UVRAG: variants seen among roughly 807,000 people sequenced by gnomAD.
The protein encoded by UVRAG is UV radiation resistance associated, also known as UV radiation resistance-associated gene protein.
A neutral mutation model predicts 78.0 loss-of-function variants in UVRAG; 19 were observed. The observed-to-expected ratio is 0.24, with a 90% confidence interval of 0.17 to 0.36. UVRAG has a LOEUF of 0.36. UVRAG is among the 10% of genes least tolerant of loss of function. The probability of loss-of-function intolerance (pLI) is 1.00; values close to 1 mark genes in which losing one functional copy is unlikely to be tolerated. For missense variants in UVRAG, 740 were observed against 853.8 expected (o/e 0.87, Z 1.66); for synonymous variants, 323 against 324.6 (o/e 1.00, Z 0.05).
chr11:75,982,880 T>A (rs901188487), intron 7 of UVRAG, among the ~76,000 whole-genome samples: 1 of 152,258 alleles, frequency 6.6e-6, no homozygotes, highest in Non-Finnish European at 1.5e-5. Context: ...ATTGTATGGA[T>A]AGGCCACATT....
intron 13 of UVRAG, among the ~76,000 whole-genome samples, chr11:76,084,315 A>G (rs1349396227): frequency 1.3e-5 from 2 of 152,172 alleles, no homozygotes; most frequent in Non-Finnish European, 2.9e-5. Context: ...TTTCTTATTT[A>G]TTTCTATAAA....
chr11:75,885,421 A>G (rs1259831965), intron 4 of UVRAG, among the ~76,000 whole-genome samples: 2 of 152,142 alleles, frequency 1.3e-5, no homozygotes, highest in African/African-American at 4.8e-5. Context: ...CTTTTTGAAG[A>G]TCATGTGAAC....
chr11:76,107,994 A>G (rs1425203953), intron 13 of UVRAG, among the ~76,000 whole-genome samples: 1 of 152,198 alleles, frequency 6.6e-6, no homozygotes, highest in Non-Finnish European at 1.5e-5. Context: ...TTTGTAGTCA[A>G]ATTCATTGTA....
Position 75,870,821 on chromosome 11 carries a change from A to G in UVRAG, c.270+9041A>G, listed in dbSNP as rs1034585862. Among the ~76,000 whole-genome samples, 3 of 152,214 alleles carry G rather than the reference A, an allele frequency of 2.0e-5. No individual in the cohort carries two copies. The East Asian group carries it at 5.8e-4, about 29-fold the overall frequency. ...CAAATAATAGCCTTATGACTTTTCAAAAGGAACTGATCAATGAAACACGAT... is the reference window on the plus strand; with the variant it reads ...CAAATAATAGCCTTATGACTTTTCAGAAGGAACTGATCAATGAAACACGAT... On this transcript the variant is annotated intron_variant, in intron 3 of 14. Transcript: ENST00000356136.
chr11:76,101,161 T>TTTAGCTC (rs1951874095), intron 13 of UVRAG, among the ~76,000 whole-genome samples: 1 of 152,166 alleles, frequency 6.6e-6, no homozygotes, highest in Non-Finnish European at 1.5e-5. Context: ...TACTTTTGTT[T>TTTAGCTC]TTAGCTCTTT....
At chr11:75,979,021 T>C (rs1949323648) in intron 7 of UVRAG, among the ~76,000 whole-genome samples, 1 of 152,220 alleles carries the variant, frequency 6.6e-6, no homozygotes. Flanking sequence ...CTACCTTTGG[T>C]CTTCGATGAT....
intron 1 of UVRAG, among the ~76,000 whole-genome samples, chr11:75,816,924 C>T (rs1426997617): frequency 6.6e-6 from 1 of 152,132 alleles, no homozygotes; most frequent in Non-Finnish European, 1.5e-5. Flanking sequence ...TTTGAATAGG[C>T]AGGCAGAAGA....
intron 6 of UVRAG, among the ~76,000 whole-genome samples, chr11:75,946,621 C>T (rs908001362): frequency 7.2e-5 from 11 of 152,154 alleles, no homozygotes; most frequent in African/African-American, 2.7e-4. Flanking sequence ...TTTAAGCTCC[C>T]ATGGTTTTTG....
At chr11:75,877,569 C>T in intron 3 of UVRAG, among the ~76,000 whole-genome samples, 1 of 146,084 alleles carries the variant, frequency 6.8e-6, no homozygotes, top group South Asian at 2.2e-4. Context: ...CTGACCCCCC[C>T]CACCTCCCTC....
intron 6 of UVRAG, among the ~76,000 whole-genome samples, chr11:75,927,405 G>T (rs1047196196): frequency 3.3e-5 from 5 of 152,038 alleles, no homozygotes; most frequent in African/African-American, 1.2e-4. Flanking sequence ...TATATAGGTT[G>T]TTGTTATTCC....
chr11:75,850,176 G>GGT lies in UVRAG; in HGVS notation c.118-1704_118-1703dup, dbSNP rs1173775753. Among the ~76,000 whole-genome samples the GGT allele has an allele frequency of 3.9e-5, 6 of 152,322 alleles. No homozygotes were observed. The South Asian group carries it at 1.2e-3, about 32-fold the overall frequency. On this transcript the variant is annotated intron_variant, in intron 1 of 14. Transcript: ENST00000356136. Reference sequence around the variant, plus strand: ...CAGCCAGAATGGGGAGTTTGCAAAGGGTGTAGCCTTTGGTCCTTTTGTTAT... The same window carrying GGT: ...CAGCCAGAATGGGGAGTTTGCAAAGGGTGTGTAGCCTTTGGTCCTTTTGTTAT...
At chr11:75,950,963 T>C (rs1056160711) in intron 6 of UVRAG, among the ~76,000 whole-genome samples, 88 of 140,054 alleles carry the variant, frequency 6.3e-4, no homozygotes, top group African/African-American at 2.3e-3. Context: ...TTGTCAGGTG[T>C]ACACACACAC....
intron 4 of UVRAG, among the ~76,000 whole-genome samples, chr11:75,883,867 C>T (rs144046715): frequency 3.6e-4 from 55 of 152,038 alleles, no homozygotes; most frequent in South Asian, 2.5e-3. Flanking sequence ...TTTGAAAAAC[C>T]GATAGAGTTG....
intron 1 of UVRAG, among the ~76,000 whole-genome samples, chr11:75,815,952 C>A (rs759857499): frequency 2.8e-4 from 43 of 152,372 alleles, no homozygotes; most frequent in Non-Finnish European, 5.1e-4. Context: ...GCCATCCCCG[C>A]TTACGGAGAA....
chr11:75,877,619 C>T (rs1161902934), intron 3 of UVRAG, among the ~76,000 whole-genome samples: 12 of 140,470 alleles, frequency 8.5e-5, no homozygotes, highest in Admixed American at 8.3e-4. Context: ...CTGACCCCCC[C>T]ACCTCCCTCC....
intron 2 of UVRAG, 136 bp from the exon 3 acceptor site, chr11:75,861,610 A>G (rs1946423930): frequency 1.7e-6 from 1 of 585,568 alleles, no homozygotes; most frequent in Non-Finnish European, 3.0e-6. Flanking sequence ...AGATAAAGAT[A>G]TAGAGAGAAT....
chr11:75,870,948 C>T (rs556988600), intron 3 of UVRAG, among the ~76,000 whole-genome samples: 5 of 152,072 alleles, frequency 3.3e-5, no homozygotes, highest in African/African-American at 9.6e-5. Context: ...CGGCTCACTG[C>T]AACCTCCGCC....
chr11:76,137,634 C>A, intron 14 of UVRAG: 1 of 367,896 alleles, frequency 2.7e-6, no homozygotes, highest in Non-Finnish European at 5.3e-6. Flanking sequence ...ACCTGTGGCT[C>A]ACACCTGTAA....
chr11:75,973,151 T>C (rs1483626959), intron 7 of UVRAG, among the ~76,000 whole-genome samples: 1 of 152,208 alleles, frequency 6.6e-6, no homozygotes, highest in Non-Finnish European at 1.5e-5. Context: ...TTCTTACTAT[T>C]AAGTATGATG....
Sources: allele counts gnomAD v4.1 joint callset (sites outside exome capture counted in the v4.1 genomes callset), GRCh38; gene constraint gnomAD v4.1.1; transcripts MANE v1.5; gene names NCBI Gene and HGNC (gene_info 2026-07-23, HGNC 2026-07-21).